ENSA: variants seen among roughly 807,000 people sequenced by gnomAD.
The protein encoded by ENSA is endosulfine alpha.
ENSA carries 7 observed loss-of-function variants against 16.8 expected under a neutral mutation model. The observed-to-expected ratio is 0.42, with a 90% CI of 0.24 to 0.78. The LOEUF (loss-of-function observed/expected upper bound fraction) is 0.78. ENSA is among the 30% of genes least tolerant of loss of function. The pLI, the probability that ENSA is intolerant of heterozygous loss-of-function variation, is 0.29. For synonymous variants in ENSA, 58 were observed against 53.4 expected (o/e 1.09, Z -0.37); for missense variants, 87 against 142.3 (o/e 0.61, Z 1.98).
intron 1 of ENSA, among the ~76,000 whole-genome samples, chr1:150,628,359 C>CA (rs1553184227): frequency 6.6e-6 from 1 of 152,090 alleles, no homozygotes; most frequent in Non-Finnish European, 1.5e-5. Context: ...AGCTGATAAA[C>CA]AGAGAGGAAA....
At position 150,624,681 on chromosome 1, in the gene ENSA, T is replaced by C; in HGVS notation, c.350+961A>G. 4 of 985,526 alleles carry C rather than the reference T, an allele frequency of 4.1e-6. No individual in the cohort carries two copies. In the South Asian group the frequency reaches 1.9e-4, roughly 46 times the overall value. 61.0% of individuals were successfully genotyped at this position (985,526 alleles called of 1,614,324 possible). On this transcript the variant is annotated intron_variant, in intron 3 of 3. Coordinates refer to ENST00000369014, the MANE Select transcript of ENSA (RefSeq NM_004436.4). ...CTCTCCTCATGTATCCCTCAAATGG[T>C]TCCCCTCTGTAGTACTTTCCCAGTA... is the stretch of plus-strand genomic sequence containing the variant.
intron 1 of ENSA, 86 bp downstream of exon 1, chr1:150,629,328 T>C: frequency 1.9e-6 from 3 of 1,557,642 alleles, no homozygotes; most frequent in Admixed American, 1.9e-5. Context: ...CCTGAGACCA[T>C]GGCGACCAAT....
Position 150,622,821 on chromosome 1 carries a change from A to G in ENSA, c.*23T>C. On this transcript the variant is annotated 3_prime_UTR_variant, in exon 4 of 4. Coordinates refer to ENST00000369014, the MANE Select transcript of ENSA (RefSeq NM_004436.4). ...GGGCAGGGAGGGGAAGCGTCTCAGG[A>G]TCTGGCAGAGCCCCGGGCAGCATCA... 1 of 1,556,888 alleles carries G rather than the reference A, an allele frequency of 6.4e-7. No individual in the cohort carries two copies. The highest frequency in any genetic ancestry group is 8.7e-7 in the Non-Finnish European group (1 of 1,150,362).
At chr1:150,623,489 C>T (rs1380414193) in intron 3 of ENSA, 1 of 985,630 alleles carries the variant, frequency 1.0e-6, no homozygotes, top group Non-Finnish European at 1.2e-6. Context: ...CCTGCTCCTC[C>T]TATTCCTTCC....
intron 3 of ENSA, chr1:150,623,606 A>C: frequency 1.0e-6 from 1 of 984,362 alleles, no homozygotes; most frequent in Non-Finnish European, 1.2e-6. Context: ...AGAAGATCGG[A>C]GATGAAGAAA....
chr1:150,626,810 C>T (rs765426649), intron 2 of ENSA, among the ~76,000 whole-genome samples: 1 of 152,154 alleles, frequency 6.6e-6, no homozygotes, highest in African/African-American at 2.4e-5. Context: ...TCCCAAAGTG[C>T]TGGGATTACA....
chr1:150,621,510 G>C (rs1446129558), downstream of ENSA: 1 of 152,256 alleles, frequency 6.6e-6, no homozygotes, highest in East Asian at 1.9e-4. Context: ...CTGACCTCAA[G>C]TGATCCACCC....
Position 150,622,549 on chromosome 1 carries a change from A to G in ENSA, c.*295T>C, listed in dbSNP as rs1649036609. Reference sequence around the variant, plus strand: ...TCCAAGCCCTAATTCATACTCCTCCATATCTCCCACCCCACCCTTTCAACC... The same window carrying G: ...TCCAAGCCCTAATTCATACTCCTCCGTATCTCCCACCCCACCCTTTCAACC... On this transcript the variant is annotated 3_prime_UTR_variant, in exon 4 of 4. Coordinates refer to ENST00000369014, the MANE Select transcript of ENSA (RefSeq NM_004436.4). 1 of 236,160 alleles carries G rather than the reference A, an allele frequency of 4.2e-6. No individual in the cohort carries two copies. The highest frequency in any genetic ancestry group is 1.3e-4 in the South Asian group (1 of 7,918). The allele number at this position is 236,160 out of a possible 1,614,324, so 14.6% of individuals were successfully genotyped here. A position where few individuals can be genotyped will look rare whatever the true frequency, so the allele number is the denominator to read the frequency against.
Position 150,625,766 on chromosome 1 carries a change from T to C in ENSA, c.226A>G (p.Lys76Glu). Residue 76 changes from lysine to glutamate, a missense_variant, in exon 3 of 4, where the codon AAG becomes GAG. Transcript: ENST00000369014. ...DSGDYNMAKA[K>E]MKNKQLPSAG... ...CTTGGCAGCTGCTTATTCTTCATCT[T>C]GGCTTTGGCCATGTTGTAGTCTCCT... The C allele has an allele frequency of 6.2e-7, 1 of 1,612,200 alleles. No homozygotes were observed. Among genetic ancestry groups the C allele is most frequent in the Non-Finnish European group, 8.5e-7 (1 of 1,179,110 alleles).
intron 3 of ENSA, chr1:150,624,950 T>C (rs1649199397): frequency 3.0e-6 from 3 of 984,290 alleles, no homozygotes; most frequent in Admixed American, 6.1e-5. Context: ...CCTAAACCAG[T>C]GCTCGTCCCA....
intron 3 of ENSA, chr1:150,623,634 TA>T (rs1649106189): frequency 1.0e-6 from 1 of 956,508 alleles, no homozygotes; most frequent in African/African-American, 1.8e-5. Flanking sequence ...AAATTATATA[TA>T]TATTTATATA....
intron 1 of ENSA, chr1:150,629,091 A>G (rs374974585): frequency 2.5e-6 from 4 of 1,613,896 alleles, no homozygotes; most frequent in African/African-American, 2.7e-5. Flanking sequence ...CATCACACCC[A>G]AGACCACCAG....
chr1:150,622,009 C>T (rs891181137), downstream of ENSA: 1 of 152,178 alleles, frequency 6.6e-6, no homozygotes, highest in Non-Finnish European at 1.5e-5. Context: ...ATTCCTGCTC[C>T]CTTTCCTAAG....
chr1:150,624,962 T>C (rs1034919992), intron 3 of ENSA: 53 of 985,154 alleles, frequency 5.4e-5, no homozygotes, highest in Middle Eastern at 5.2e-4. Flanking sequence ...CTCGTCCCAC[T>C]ATCCCATGAT....
chr1:150,627,076 G>T, intron 2 of ENSA: 1 of 1,325,268 alleles, frequency 7.5e-7, no homozygotes, highest in Non-Finnish European at 9.6e-7. Flanking sequence ...TATTTCTGTA[G>T]GAGAGATGGT....
Position 150,622,481 on chromosome 1 carries a change from A to C in ENSA, c.*363T>G. On this transcript the variant is annotated 3_prime_UTR_variant, in exon 4 of 4. Coordinates refer to ENST00000369014, the MANE Select transcript of ENSA (RefSeq NM_004436.4). ...CTTCCCCTCATACCTACCCCACATCAGCCACGTGGTTAAGAAGGATAGTCA... is the reference window on the plus strand; with the variant it reads ...CTTCCCCTCATACCTACCCCACATCCGCCACGTGGTTAAGAAGGATAGTCA... 3.9e-6 allele frequency: 1 copy of C among 257,186 alleles called. No individual in the cohort carries two copies. 15.9% of individuals were successfully genotyped at this position (257,186 alleles called of 1,614,324 possible).
At chr1:150,627,067 A>G in intron 2 of ENSA, 1 of 1,281,614 alleles carries the variant, frequency 7.8e-7, no homozygotes, top group Non-Finnish European at 9.9e-7. Context: ...TTGAGGATTT[A>G]TTTCTGTAGG....
chr1:150,629,058 T>C, intron 1 of ENSA: 1 of 1,614,096 alleles, frequency 6.2e-7, no homozygotes, highest in African/African-American at 1.3e-5. Context: ...CTGGGTCACT[T>C]ACCTCTACAA....
intron 1 of ENSA, chr1:150,628,953 A>C: frequency 4.9e-5 from 53 of 1,082,366 alleles, no homozygotes; most frequent in Non-Finnish European, 6.9e-5. Flanking sequence ...TATAATAACT[A>C]CACTTCTCCC....
Sources: gnomAD v4.1 joint callset for allele counts (sites outside exome capture counted in the v4.1 genomes callset) on GRCh38, gnomAD v4.1.1 for gene constraint, MANE v1.5 for transcripts, NCBI Gene and HGNC (gene_info 2026-07-23, HGNC 2026-07-21) for gene names.